Variants in AFF1 observed in about 807,000 individuals in gnomAD.
AFF1 encodes the protein ALF transcription elongation factor 1.
In AFF1, 48 loss-of-function variants were observed where a neutral mutation model predicts 121.7. That is an observed-to-expected ratio of 0.39 (90% CI 0.31 to 0.50). The LOEUF (loss-of-function observed/expected upper bound fraction) is 0.50. AFF1 is among the 20% of genes least tolerant of loss of function. The pLI is 0.76. For synonymous variants in AFF1, 613 were observed against 563.0 expected, an observed-to-expected ratio of 1.09 and a Z score of -1.26; for missense variants, 1,523 against 1,511.7, an observed-to-expected ratio of 1.01 and a Z score of -0.12.
At chr4:87,023,360 C>A (rs1728219741) in intron 2 of AFF1, among the ~76,000 whole-genome samples, 1 of 152,046 alleles carries the variant, frequency 6.6e-6, no homozygotes, top group African/African-American at 2.4e-5. Flanking sequence ...TAAATTTTAA[C>A]CTAATGTATG....
chr4:87,093,656 C>T (rs1026402369), intron 7 of AFF1, among the ~76,000 whole-genome samples: 2 of 152,110 alleles, frequency 1.3e-5, no homozygotes, highest in African/African-American at 2.4e-5. Context: ...CTGCCCCTCT[C>T]GTTTGGAGTC....
chr4:87,019,886 G>GA, intron 2 of AFF1, among the ~76,000 whole-genome samples: 1 of 106,572 alleles, frequency 9.4e-6, no homozygotes, highest in South Asian at 4.2e-4. Flanking sequence ...GAAGGGGTCG[G>GA]GGGGGGGCAG....
chr4:87,023,796 T>G (rs1728260896), intron 2 of AFF1, among the ~76,000 whole-genome samples: 1 of 152,240 alleles, frequency 6.6e-6, no homozygotes, highest in South Asian at 2.1e-4. Context: ...AAAACCATGC[T>G]TAAACAAGAG....
intron 2 of AFF1, among the ~76,000 whole-genome samples, chr4:86,969,575 G>GT (rs1226129257): frequency 5.6e-5 from 1 of 17,850 alleles, no homozygotes; most frequent in Non-Finnish European, 2.5e-4. Context: ...TGAAATAGTT[G>GT]TTAAAAAAAA....
chr4:86,984,392 A>G (rs1425028799), intron 2 of AFF1, among the ~76,000 whole-genome samples: 2 of 148,724 alleles, frequency 1.3e-5, no homozygotes, highest in Non-Finnish European at 3.0e-5. Context: ...CAGTGGTGCA[A>G]TCTCAGCTCA....
chr4:87,032,959 G>A (rs1732873140), intron 2 of AFF1, among the ~76,000 whole-genome samples: 1 of 152,112 alleles, frequency 6.6e-6, no homozygotes, highest in African/African-American at 2.4e-5. Context: ...GACCGACCTA[G>A]GCAACAAAGC....
At chr4:86,989,081 A>G (rs1254442932) in intron 2 of AFF1, among the ~76,000 whole-genome samples, 1 of 152,232 alleles carries the variant, frequency 6.6e-6, no homozygotes, top group African/African-American at 2.4e-5. Flanking sequence ...AACCATAAAA[A>G]CCCTAGAAGA....
At chr4:87,075,426 T>C (rs1202553559) in intron 4 of AFF1, among the ~76,000 whole-genome samples, 8 of 152,202 alleles carry the variant, frequency 5.3e-5, no homozygotes, top group Non-Finnish European at 4.4e-5. Flanking sequence ...CACGATATAT[T>C]AGGCTCTCAT....
Position 87,046,881 on chromosome 4 carries a change from AC to A in AFF1, c.347del (p.Thr116IlefsTer51). 1 of 1,614,182 alleles carries A rather than the reference AC, an allele frequency of 6.2e-7. No individual in the cohort carries two copies. The highest frequency in any genetic ancestry group is 8.5e-7 in the Non-Finnish European group (1 of 1,180,026). On this transcript the variant is annotated frameshift_variant, in exon 4 of 21. Transcript: ENST00000395146. LOFTEE classifies it high-confidence loss of function. ...CAGCATTCCATCCAGCTCCTTCCACACTAGTGTCCACCACCAGTCCATTCAC... is the reference window on the plus strand; with the variant it reads ...CAGCATTCCATCCAGCTCCTTCCACATAGTGTCCACCACCAGTCCATTCAC... ...GSSIPSSSFH[T>X]SVHHQSIHTP...
chr4:86,952,337 A>AT (rs1279648692), intron 2 of AFF1, among the ~76,000 whole-genome samples: 3 of 152,180 alleles, frequency 2.0e-5, no homozygotes, highest in Admixed American at 6.6e-5. Flanking sequence ...ACTGGTGAAA[A>AT]TTTAAGGAGC....
intron 2 of AFF1, among the ~76,000 whole-genome samples, chr4:87,022,277 T>C (rs995592401): frequency 2.6e-5 from 4 of 151,064 alleles, no homozygotes; most frequent in African/African-American, 9.7e-5. Context: ...CCAGTTAACA[T>C]TGACTAAAGC....
rs190984444 is a variant in AFF1, at chr4:86,956,565, G to C, written c.38+7994G>C. On this transcript the variant is annotated intron_variant, in intron 2 of 20. Coordinates refer to ENST00000395146, the MANE Select transcript of AFF1 (RefSeq NM_001166693.3). ...TCCAGCTTTAGAACATTTTCATCTA[G>C]ATGGAACTACCTGTTTACAGTTAAT... is the stretch of plus-strand genomic sequence containing the variant. Among the ~76,000 whole-genome samples the C allele has an allele frequency of 1.3e-3, 197 of 152,270 alleles. 1 individual carries two copies. Among genetic ancestry groups the C allele is most frequent in the Admixed American group, 2.1e-3 (32 of 15,288 alleles).
intron 4 of AFF1, among the ~76,000 whole-genome samples, chr4:87,083,764 T>C (rs1723399339): frequency 6.6e-6 from 1 of 152,208 alleles, no homozygotes; most frequent in South Asian, 2.1e-4. Context: ...TCTCTGGTCT[T>C]ATTTCATCCA....
intron 4 of AFF1, among the ~76,000 whole-genome samples, chr4:87,082,147 T>G (rs1723240771): frequency 6.6e-6 from 1 of 152,190 alleles, no homozygotes; most frequent in Non-Finnish European, 1.5e-5. Flanking sequence ...ACACGTAGGA[T>G]GAGGGGAATA....
chr4:86,939,007 A>G (rs564044254), intron 1 of AFF1, among the ~76,000 whole-genome samples: 1 of 152,374 alleles, frequency 6.6e-6, no homozygotes, highest in East Asian at 1.9e-4. Context: ...TGAAGGAATC[A>G]ATTACATCAT....
At chr4:86,995,880 C>T (rs1226654026) in intron 2 of AFF1, among the ~76,000 whole-genome samples, 4 of 150,654 alleles carry the variant, frequency 2.7e-5, no homozygotes, top group African/African-American at 9.8e-5. Context: ...CGTCTCTGCC[C>T]GGCCGCCCAT....
chr4:87,009,517 C>T (rs1013474293), intron 2 of AFF1, among the ~76,000 whole-genome samples: 2 of 152,196 alleles, frequency 1.3e-5, no homozygotes, highest in South Asian at 4.1e-4. Context: ...CTCTACCCCA[C>T]CTTCCGACAT....
chr4:87,007,222 G>A (rs1726229480), intron 2 of AFF1: 22 of 1,452,344 alleles, frequency 1.5e-5, no homozygotes, highest in Non-Finnish European at 1.6e-5. Context: ...GAGCCAATAC[G>A]GGCCGAGCCC....
At chr4:87,031,011 A>G (rs1560555875) in intron 2 of AFF1, among the ~76,000 whole-genome samples, 2 of 152,084 alleles carry the variant, frequency 1.3e-5, no homozygotes, top group Non-Finnish European at 2.9e-5. Flanking sequence ...CGTGCACAGT[A>G]ATTTGAGATC....
Sources: gnomAD v4.1 joint callset for allele counts (sites outside exome capture counted in the v4.1 genomes callset) on GRCh38, gnomAD v4.1.1 for gene constraint, MANE v1.5 for transcripts, NCBI Gene and HGNC (gene_info 2026-07-23, HGNC 2026-07-21) for gene names.